Variants in ZCCHC7 observed in about 807,000 individuals in gnomAD.
ZCCHC7 encodes the protein zinc finger CCHC-type containing 7, also known as zinc finger CCHC domain-containing protein 7.
In ZCCHC7, 35 loss-of-function variants were observed where a neutral mutation model predicts 52.0. That is an observed-to-expected ratio of 0.67 (90% CI 0.51 to 0.89). ZCCHC7 has a LOEUF of 0.89. ZCCHC7 is among the 40% of genes least tolerant of loss of function. ZCCHC7 has a pLI of 0.00. For missense variants in ZCCHC7, 574 were observed against 649.1 expected (o/e 0.88, Z 1.26); for synonymous variants, 217 against 221.5 (o/e 0.98, Z 0.18).
intron 2 of ZCCHC7, among the ~76,000 whole-genome samples, chr9:37,301,967 T>C (rs753410439): frequency 7.9e-5 from 12 of 152,226 alleles, no homozygotes; most frequent in Non-Finnish European, 1.6e-4. Flanking sequence ...AAAATACTAT[T>C]ATCCCATTTC....
At chr9:37,152,365 T>A (rs1269792942) in intron 2 of ZCCHC7, among the ~76,000 whole-genome samples, 1 of 152,170 alleles carries the variant, frequency 6.6e-6, no homozygotes, top group East Asian at 1.9e-4. Context: ...TGGCTACATT[T>A]GTCAAAATTA....
intron 2 of ZCCHC7, among the ~76,000 whole-genome samples, chr9:37,201,942 A>G (rs974674753): frequency 7.9e-5 from 12 of 152,320 alleles, no homozygotes; most frequent in East Asian, 1.9e-4. Context: ...TGTAAATCCA[A>G]TGTGGGTTTT....
At chr9:37,306,054 T>C (rs1279192972) in intron 5 of ZCCHC7, among the ~76,000 whole-genome samples, 4 of 151,514 alleles carry the variant, frequency 2.6e-5, no homozygotes, top group African/African-American at 9.8e-5. Context: ...AATTTGTGTA[T>C]TCATATTTAT....
intron 6 of ZCCHC7, among the ~76,000 whole-genome samples, chr9:37,332,550 A>C (rs1830489888): frequency 6.6e-6 from 1 of 151,550 alleles, no homozygotes; most frequent in African/African-American, 2.4e-5. Flanking sequence ...CATAATTTTT[A>C]CTTCAGTCTT....
At chr9:37,190,926 G>A (rs1822985586) in intron 2 of ZCCHC7, among the ~76,000 whole-genome samples, 1 of 152,006 alleles carries the variant, frequency 6.6e-6, no homozygotes, top group South Asian at 2.1e-4. Flanking sequence ...GGTGGCTGAG[G>A]TGGGAGAATT....
At chr9:37,172,774 C>T (rs570689842) in intron 2 of ZCCHC7, among the ~76,000 whole-genome samples, 2 of 150,796 alleles carry the variant, frequency 1.3e-5, no homozygotes, top group East Asian at 2.0e-4. Flanking sequence ...GTGGGCATTG[C>T]AATAGGGACT....
intron 2 of ZCCHC7, among the ~76,000 whole-genome samples, chr9:37,215,449 A>AT (rs1824454645): frequency 6.6e-6 from 1 of 152,178 alleles, no homozygotes; most frequent in Non-Finnish European, 1.5e-5. Flanking sequence ...AAGGAAAAAA[A>AT]TTTTATCTTT....
Position 37,349,225 on chromosome 9 carries a change from C to T in ZCCHC7, c.988-132C>T. ...TATATACTTTAATATATGGAATCGC[C>T]TGAATACAGGTCTCCATACAAAACT... On this transcript the variant is annotated intron_variant, in intron 6 of 8. Coordinates refer to ENST00000336755, the MANE Select transcript of ZCCHC7 (RefSeq NM_032226.3). The T allele has an allele frequency of 4.1e-6, 3 of 739,560 alleles. No homozygotes were observed. The Middle Eastern group carries it at 7.2e-4, about 178-fold the overall frequency. The allele number at this position is 739,560 out of a possible 1,614,324, so 45.8% of individuals were successfully genotyped here.
chr9:37,340,745 G>T (rs531318995), intron 6 of ZCCHC7, among the ~76,000 whole-genome samples: 2 of 152,146 alleles, frequency 1.3e-5, no homozygotes, highest in African/African-American at 4.8e-5. Context: ...TTGTCCACTG[G>T]AAACCACTAT....
intron 2 of ZCCHC7, among the ~76,000 whole-genome samples, chr9:37,273,639 A>G (rs952627155): frequency 2.6e-5 from 4 of 152,242 alleles, no homozygotes; most frequent in African/African-American, 7.2e-5. Context: ...AGGAATTATT[A>G]TATGAATTCT....
chr9:37,200,173 T>G (rs1051109773), intron 2 of ZCCHC7, among the ~76,000 whole-genome samples: 35 of 152,134 alleles, frequency 2.3e-4, no homozygotes, highest in African/African-American at 8.0e-4. Context: ...TAATTTCCTC[T>G]CTCTTTGTTA....
chr9:37,263,300 A>G (rs1826950827), intron 2 of ZCCHC7, among the ~76,000 whole-genome samples: 3 of 151,886 alleles, frequency 2.0e-5, no homozygotes. Context: ...GCCTTTTCCT[A>G]TTATATACCT....
intron 2 of ZCCHC7, among the ~76,000 whole-genome samples, chr9:37,250,018 T>C (rs1444248723): frequency 7.2e-6 from 1 of 138,020 alleles, no homozygotes. Context: ...CAGATTCTGA[T>C]TCCTGTTCTT....
intron 2 of ZCCHC7, among the ~76,000 whole-genome samples, chr9:37,253,916 T>A (rs1826450829): frequency 6.6e-6 from 1 of 152,018 alleles, no homozygotes; most frequent in African/African-American, 2.4e-5. Context: ...CTTATAATTT[T>A]ATACTGGAAA....
intron 2 of ZCCHC7, among the ~76,000 whole-genome samples, chr9:37,170,665 T>C (rs1821679974): frequency 6.6e-6 from 1 of 152,220 alleles, no homozygotes; most frequent in Admixed American, 6.6e-5. Flanking sequence ...CTATATTGTC[T>C]TTTTCTTGGA....
intron 2 of ZCCHC7, among the ~76,000 whole-genome samples, chr9:37,148,598 T>C (rs1843545623): frequency 6.6e-6 from 1 of 152,186 alleles, no homozygotes; most frequent in Non-Finnish European, 1.5e-5. Context: ...GTTATAAAGG[T>C]AACACTTTGC....
intron 2 of ZCCHC7, among the ~76,000 whole-genome samples, chr9:37,133,154 A>G (rs1842862371): frequency 1.3e-5 from 2 of 152,008 alleles, no homozygotes; most frequent in Non-Finnish European, 2.9e-5. Context: ...AAATTAACAA[A>G]ACAATCTCAT....
At chr9:37,332,015 G>A (rs1195059547) in intron 6 of ZCCHC7, among the ~76,000 whole-genome samples, 1 of 151,546 alleles carries the variant, frequency 6.6e-6, no homozygotes, top group African/African-American at 2.4e-5. Context: ...GGAAGCTTTT[G>A]TTTTGGTAGT....
chr9:37,349,861 C>A (rs1821256963), intron 7 of ZCCHC7, among the ~76,000 whole-genome samples: 1 of 152,046 alleles, frequency 6.6e-6, no homozygotes, highest in Non-Finnish European at 1.5e-5. Flanking sequence ...GATCTCAGCT[C>A]ACTGCAACCT....
Sources: gnomAD v4.1 joint callset for allele counts (sites outside exome capture counted in the v4.1 genomes callset) on GRCh38, gnomAD v4.1.1 for gene constraint, MANE v1.5 for transcripts, NCBI Gene and HGNC (gene_info 2026-07-23, HGNC 2026-07-21) for gene names.